The following LINGO1 variants were observed in gnomAD, a reference collection of about 807,000 sequenced individuals.
The protein encoded by LINGO1 is leucine-rich repeat and immunoglobulin-like domain-containing nogo receptor-interacting protein 1.
In LINGO1, 11 loss-of-function variants were observed where a neutral mutation model predicts 37.3. That is an observed-to-expected ratio of 0.29 (90% CI 0.19 to 0.49). The LOEUF (loss-of-function observed/expected upper bound fraction) is 0.49, where lower values mean the gene tolerates loss of function less well. Ranked by LOEUF, LINGO1 falls within the 20% of genes least tolerant of loss-of-function variation. The pLI is 0.99. For missense variants in LINGO1, 585 were observed against 878.2 expected, an observed-to-expected ratio of 0.67 and a Z score of 4.22; for synonymous variants, 387 against 403.0, an observed-to-expected ratio of 0.96 and a Z score of 0.48.
rs371700302 is a variant in LINGO1 at position 77,674,491 on chromosome 15, C to T, written c.-13+2598G>A. Among the ~76,000 whole-genome samples the T allele has an allele frequency of 4.5e-4, 69 of 152,256 alleles. 1 individual carries two copies. In the South Asian group the frequency reaches 4.6e-3, roughly 10 times the overall value. On this transcript the variant is annotated intron_variant, in intron 3 of 3. Transcript: ENST00000559893. ...GCCTGCAGGCCCTGAGTGATGAGTG[C>T]GTGGTCCCTGTTCGGCTGCATGGCC... is the stretch of plus-strand genomic sequence containing the variant.
At chr15:77,800,874 A>G (rs2076912628) in intron 1 of LINGO1, among the ~76,000 whole-genome samples, 1 of 152,228 alleles carries the variant, frequency 6.6e-6, no homozygotes, top group Non-Finnish European at 1.5e-5. Flanking sequence ...TGAATTAGAA[A>G]TCTGCAGAGG....
At chr15:77,720,607 C>T (rs1458418172) in intron 2 of LINGO1, 3 of 152,214 alleles carry the variant, frequency 2.0e-5, no homozygotes, top group African/African-American at 7.2e-5. Context: ...TTGAGAAAAG[C>T]AGTCCTTACC....
At chr15:77,790,072 C>A (rs2076806652), upstream of LINGO1, among the ~76,000 whole-genome samples, 1 of 152,182 alleles carries the variant, frequency 6.6e-6, no homozygotes, top group Non-Finnish European at 1.5e-5. Context: ...GTGCCCAGCC[C>A]CTGCCGACAC....
chr15:77,717,942 C>T (rs1456009924), intron 2 of LINGO1, among the ~76,000 whole-genome samples: 3 of 150,984 alleles, frequency 2.0e-5, no homozygotes, highest in African/African-American at 7.2e-5. Flanking sequence ...AGTCATGAAG[C>T]AGGTGATACA....
intron 2 of LINGO1, among the ~76,000 whole-genome samples, chr15:77,678,871 T>C (rs2075369302): frequency 6.6e-6 from 1 of 152,156 alleles, no homozygotes; most frequent in Non-Finnish European, 1.5e-5. Flanking sequence ...TGTAGTGGTA[T>C]TGCATTGTGG....
upstream of LINGO1, among the ~76,000 whole-genome samples, chr15:77,638,254 C>T (rs534882905): frequency 9.7e-4 from 148 of 152,060 alleles, no homozygotes; most frequent in African/African-American, 3.4e-3. Context: ...GGGGCCAGTC[C>T]GTAAAGGGCC....
chr15:77,620,854 C>A lies in LINGO1; in HGVS notation c.7-4954G>T, dbSNP rs562777919. 4.6e-5 allele frequency among the ~76,000 whole-genome samples: 7 copies of A among 152,208 alleles called. No homozygotes were observed. The South Asian group carries it at 1.0e-3, about 23-fold the overall frequency. On this transcript the variant is annotated intron_variant, in intron 1 of 1. Transcript: ENST00000355300. ...CGGTAGTTAGGGGAGATGGAAGGGGCCTGGGATCACCCATGGACAGGTTCA... is the reference window on the plus strand; with the variant it reads ...CGGTAGTTAGGGGAGATGGAAGGGGACTGGGATCACCCATGGACAGGTTCA...
At chr15:77,763,369 C>T (rs2076496811) in intron 1 of LINGO1, among the ~76,000 whole-genome samples, 1 of 152,068 alleles carries the variant, frequency 6.6e-6, no homozygotes, top group African/African-American at 2.4e-5. Context: ...GGGATGGCCC[C>T]CTGACTCTGG....
At chr15:77,749,130 A>C (rs1340662892) in intron 1 of LINGO1, among the ~76,000 whole-genome samples, 1 of 151,782 alleles carries the variant, frequency 6.6e-6, no homozygotes, top group Non-Finnish European at 1.5e-5. Context: ...CTGGTCTCGA[A>C]CTTCTGACCT....
At chr15:77,660,056 T>C (rs1186635512) in intron 3 of LINGO1, 1 of 152,218 alleles carries the variant, frequency 6.6e-6, no homozygotes, top group Non-Finnish European at 1.5e-5. Context: ...GAAGAGATCA[T>C]CAGACCATTC....
chr15:77,719,767 C>T (rs1219481248), intron 2 of LINGO1, among the ~76,000 whole-genome samples: 1 of 139,964 alleles, frequency 7.1e-6, no homozygotes, highest in Non-Finnish European at 1.6e-5. Context: ...CATTCACACA[C>T]TCACACATAC....
At chr15:77,622,359 A>G (rs2073949124) in intron 1 of LINGO1, among the ~76,000 whole-genome samples, 1 of 152,048 alleles carries the variant, frequency 6.6e-6, no homozygotes, top group South Asian at 2.1e-4. Flanking sequence ...AGAGGCCAGA[A>G]CTTGTCCTGC....
At chr15:77,664,313 G>C (rs1289182752) in intron 3 of LINGO1, among the ~76,000 whole-genome samples, 2 of 152,076 alleles carry the variant, frequency 1.3e-5, no homozygotes. Context: ...ATACGCTCTT[G>C]ACAACAAGGT....
chr15:77,712,593 G>A (rs1004676591), intron 2 of LINGO1, among the ~76,000 whole-genome samples: 19 of 152,094 alleles, frequency 1.2e-4, no homozygotes, highest in African/African-American at 4.6e-4. Flanking sequence ...CCCAGCTCCA[G>A]CCACCGGCCA....
At chr15:77,768,317 C>T (rs1338228316) in intron 1 of LINGO1, among the ~76,000 whole-genome samples, 2 of 152,296 alleles carry the variant, frequency 1.3e-5, no homozygotes, top group Admixed American at 6.5e-5. Flanking sequence ...CCCTGATTAG[C>T]GCCTCCTGAA....
chr15:77,756,257 C>T (rs1812848882), intron 1 of LINGO1, among the ~76,000 whole-genome samples: 1 of 152,154 alleles, frequency 6.6e-6, no homozygotes, highest in African/African-American at 2.4e-5. Context: ...GTGGACAATG[C>T]TTTACAGTTA....
At chr15:77,749,550 T>C (rs969371023) in intron 1 of LINGO1, among the ~76,000 whole-genome samples, 1 of 152,214 alleles carries the variant, frequency 6.6e-6, no homozygotes, top group African/African-American at 2.4e-5. Context: ...GGTCTCTAAC[T>C]CCTGACCTCC....
chr15:77,712,387 T>C (rs2075928933), intron 2 of LINGO1, among the ~76,000 whole-genome samples: 1 of 152,044 alleles, frequency 6.6e-6, no homozygotes, highest in Admixed American at 6.6e-5. Flanking sequence ...ATCAGCATAA[T>C]GGATGCTCAA....
At chr15:77,745,048 G>A (rs979103355) in intron 1 of LINGO1, among the ~76,000 whole-genome samples, 5 of 151,548 alleles carry the variant, frequency 3.3e-5, no homozygotes, top group Non-Finnish European at 7.4e-5. Flanking sequence ...AACCTGGGAG[G>A]TGGAGGTTGC....
Sources: gnomAD v4.1 joint callset for allele counts (sites outside exome capture counted in the v4.1 genomes callset) on GRCh38, gnomAD v4.1.1 for gene constraint, MANE v1.5 for transcripts, NCBI Gene and HGNC (gene_info 2026-07-23, HGNC 2026-07-21) for gene names.